Variants in ZNF800 observed in about 807,000 individuals in gnomAD.
ZNF800 encodes zinc finger protein 800.
In ZNF800, 13 loss-of-function variants were observed where a neutral mutation model predicts 59.5. That is an observed-to-expected ratio of 0.22 (90% CI 0.14 to 0.35). The LOEUF (loss-of-function observed/expected upper bound fraction) is 0.35, where lower values mean the gene tolerates loss of function less well. Ranked by LOEUF, ZNF800 falls within the 10% of genes least tolerant of loss-of-function variation. The pLI, the probability that ZNF800 is intolerant of heterozygous loss-of-function variation, is 1.00. For synonymous variants in ZNF800, 266 were observed against 265.7 expected (o/e 1.00, Z -0.01); for missense variants, 621 against 783.7 (o/e 0.79, Z 2.48).
At position 127,377,127 on chromosome 7, in the gene ZNF800, T is replaced by C. The variant is rs1800809055; in HGVS notation, c.301+59A>G. 7.0e-7 allele frequency: 1 copy of C among 1,432,904 alleles called. No homozygotes were observed. The highest frequency in any genetic ancestry group is 2.2e-5 in the Admixed American group (1 of 45,660). The allele number at this position is 1,432,904 out of a possible 1,614,324, so 88.8% of individuals were successfully genotyped here. A position where few individuals can be genotyped will look rare whatever the true frequency, so the allele number is the denominator to read the frequency against. On this transcript the variant is annotated intron_variant, in intron 4 of 5. Transcript: ENST00000265827. This position sits in a 1 kb window ranked among gnomAD's most constrained non-coding sequence, Gnocchi z 4.7. ...ATACAATTTTAATGCAAATGTATACTTGCAGTATAAGAATACTTAGCTGTA... is the reference window on the plus strand; with the variant it reads ...ATACAATTTTAATGCAAATGTATACCTGCAGTATAAGAATACTTAGCTGTA...
intron 5 of ZNF800, 78 bp downstream of exon 5, chr7:127,373,264 G>A: frequency 9.2e-6 from 14 of 1,517,914 alleles, no homozygotes; most frequent in Non-Finnish European, 8.8e-6. Flanking sequence ...AATGGAACCA[G>A]CTATAAATTA....
At chr7:127,386,708 G>A (rs1245060778) in intron 2 of ZNF800, among the ~76,000 whole-genome samples, 1 of 152,172 alleles carries the variant, frequency 6.6e-6, no homozygotes, top group African/African-American at 2.4e-5. Context: ...ATAATTGAGA[G>A]AAATTTCAAA....
At chr7:127,383,357 C>T (rs978635147) in intron 3 of ZNF800, among the ~76,000 whole-genome samples, 1 of 152,142 alleles carries the variant, frequency 6.6e-6, no homozygotes, top group Non-Finnish European at 1.5e-5. Context: ...CTGATTTATA[C>T]CCTACAGGTT....
chr7:127,377,414 C>T lies in ZNF800; in HGVS notation c.158-85G>A. On this transcript the variant is annotated intron_variant, in intron 3 of 5. Transcript: ENST00000265827. This position sits in a 1 kb window ranked among gnomAD's most constrained non-coding sequence, Gnocchi z 4.7. The stretch of plus-strand genomic sequence containing the variant: ...AACTGGACAACCACTGTTGACAGAC[C>T]AAAAGTGCAGTTACTCTTTGAAAAC... The T allele has an allele frequency of 8.7e-7, 1 of 1,143,990 alleles. No individual in the cohort carries two copies. Among genetic ancestry groups the T allele is most frequent in the East Asian group, 2.5e-5 (1 of 40,716 alleles). 70.9% of individuals were successfully genotyped at this position (1,143,990 alleles called of 1,614,324 possible).
At chr7:127,359,242 A>AC (rs5887337) in intron 1 of ZNF800, among the ~76,000 whole-genome samples, 102,003 of 151,832 alleles carry the variant, frequency 0.67, 35,113 homozygotes, top group East Asian at 0.88. Flanking sequence ...AGCTGTCACC[A>AC]CCCCACAGCC....
At chr7:127,383,733 C>A (rs1273109472) in intron 3 of ZNF800, among the ~76,000 whole-genome samples, 2 of 152,144 alleles carry the variant, frequency 1.3e-5, no homozygotes, top group African/African-American at 2.4e-5. Context: ...TTCTTAGTTA[C>A]AGGATACAGT....
Position 127,371,486 on chromosome 7 carries a change from C to T in ZNF800, c.*328G>A, listed in dbSNP as rs920123462. 4.1e-5 allele frequency: 9 copies of T among 221,712 alleles called. No individual in the cohort carries two copies. The highest frequency in any genetic ancestry group is 3.5e-4 in the South Asian group (2 of 5,760). 13.7% of individuals were successfully genotyped at this position (221,712 alleles called of 1,614,324 possible). A position where few individuals can be genotyped will look rare whatever the true frequency, so the allele number is the denominator to read the frequency against. On this transcript the variant is annotated 3_prime_UTR_variant, in exon 6 of 6. Coordinates refer to ENST00000265827, the MANE Select transcript of ZNF800 (RefSeq NM_176814.5). ...TTCTTCAGGTTGTTGATCACTTAAT[C>T]AACAAATTGTTTAGAAAACAAAATT...
chr7:127,356,379 A>C (rs1158074482), intron 1 of ZNF800, among the ~76,000 whole-genome samples: 2 of 152,066 alleles, frequency 1.3e-5, no homozygotes, highest in Non-Finnish European at 2.9e-5. Flanking sequence ...AGGGCAAGAA[A>C]GAATATCAAC....
At chr7:127,361,161 C>T (rs1177537988) in intron 1 of ZNF800, 1 of 152,072 alleles carries the variant, frequency 6.6e-6, no homozygotes, top group Non-Finnish European at 1.5e-5. Flanking sequence ...CTGAAGGGTA[C>T]TCAGCTGCCT....
chr7:127,365,989 T>C (rs1391844841), downstream of ZNF800, among the ~76,000 whole-genome samples: 1 of 152,142 alleles, frequency 6.6e-6, no homozygotes, highest in Non-Finnish European at 1.5e-5. Flanking sequence ...TACACATCAT[T>C]AAGCTTTTAT....
chr7:127,392,534 G>C lies in ZNF800; in HGVS notation c.-533C>G, dbSNP rs984311474. 3 of 307,208 alleles carry C rather than the reference G, an allele frequency of 9.8e-6. No homozygotes were observed. The highest frequency in any genetic ancestry group is 1.8e-5 in the Non-Finnish European group (3 of 167,532). The allele number at this position is 307,208 out of a possible 1,614,324, so 19.0% of individuals were successfully genotyped here. A position where few individuals can be genotyped will look rare whatever the true frequency, so the allele number is the denominator to read the frequency against. ...TTAGGAGAGGGGCGGAGAAAAATGG[G>C]GGTCTCCCCCAACCTTGGGCCTTTT... On this transcript the variant is annotated 5_prime_UTR_variant, in exon 1 of 6. Coordinates refer to ENST00000265827, the MANE Select transcript of ZNF800 (RefSeq NM_176814.5).
rs981349402 is a variant in ZNF800, at chr7:127,372,426, G to T, written c.*-612C>A. 3.8e-4 allele frequency among the ~76,000 whole-genome samples: 56 copies of T among 149,080 alleles called. 1 individual carries two copies. The Admixed American group carries it at 3.8e-3, about 10-fold the overall frequency. On this transcript the variant is annotated intron_variant, in intron 5 of 5. Transcript: ENST00000265827. ...ACCCAGGAGGCGGAAGGTGTAGTGA[G>T]CCGAGATTGCACCACTGCACTCCAG...
At chr7:127,354,826 G>C (rs937920797) in intron 1 of ZNF800, among the ~76,000 whole-genome samples, 2 of 152,006 alleles carry the variant, frequency 1.3e-5, no homozygotes, top group South Asian at 4.1e-4. Flanking sequence ...TAAATCTCTA[G>C]ATTCTCCATG....
At chr7:127,348,549 G>A (rs1267069766) in intron 1 of ZNF800, among the ~76,000 whole-genome samples, 1 of 152,054 alleles carries the variant, frequency 6.6e-6, no homozygotes, top group Admixed American at 6.5e-5. Flanking sequence ...AATACGTAAT[G>A]ATATGGAAAA....
At chr7:127,372,319 A>T (rs987825336) in intron 5 of ZNF800, among the ~76,000 whole-genome samples, 1 of 151,888 alleles carries the variant, frequency 6.6e-6, no homozygotes, top group Non-Finnish European at 1.5e-5. Flanking sequence ...CATCTCTACT[A>T]AAAATACAAA....
In ZNF800 at chr7:127,386,031, T is replaced by C. The variant is rs925163000; in HGVS notation, c.157+29A>G. 6 of 1,525,820 alleles carry C rather than the reference T, an allele frequency of 3.9e-6. No homozygotes were observed. The African/African-American group carries it at 4.1e-5, about 10-fold the overall frequency. 94.5% of individuals were successfully genotyped at this position (1,525,820 alleles called of 1,614,324 possible). ...GTAGTTTTTAACTACTATGTGAAGA[T>C]TGAAAAATATATCCTAAAACATTCA... On this transcript the variant is annotated intron_variant, in intron 3 of 5. Transcript: ENST00000265827.
chr7:127,362,213 G>A (rs1049391643), intron 1 of ZNF800: 1 of 152,028 alleles, frequency 6.6e-6, no homozygotes, highest in African/African-American at 2.4e-5. Flanking sequence ...GCTGTTATTT[G>A]ATTGGAATTT....
chr7:127,373,023 A>G (rs992743571), intron 5 of ZNF800: 4 of 985,034 alleles, frequency 4.1e-6, no homozygotes, highest in Non-Finnish European at 4.8e-6. Flanking sequence ...GAAGACTTCT[A>G]TTGTAAACAT....
At chr7:127,389,821 G>GA (rs143197485) in intron 2 of ZNF800, among the ~76,000 whole-genome samples, 34 of 149,796 alleles carry the variant, frequency 2.3e-4, no homozygotes, top group Non-Finnish European at 3.0e-4. Context: ...TAGTTGGGGA[G>GA]AAAAAAAAAC....
Sources: gnomAD v4.1 joint callset for allele counts (sites outside exome capture counted in the v4.1 genomes callset) on GRCh38, gnomAD v4.1.1 for gene constraint, Gnocchi (gnomAD v3.1) non-coding constraint, MANE v1.5 for transcripts, NCBI Gene and HGNC (gene_info 2026-07-23, HGNC 2026-07-21) for gene names.